Variants in GSDME observed in about 807,000 individuals in gnomAD.
GSDME encodes the protein gasdermin-E.
A neutral mutation model predicts 47.5 loss-of-function variants in GSDME; 44 were observed. The observed-to-expected ratio is 0.93, with a 90% CI of 0.73 to 1.19. The LOEUF (loss-of-function observed/expected upper bound fraction) is 1.19, where lower values mean the gene tolerates loss of function less well. Ranked by LOEUF, GSDME falls within the 50% of genes most tolerant of loss-of-function variation. The probability of loss-of-function intolerance (pLI) is 0.00; values close to 1 mark genes in which losing one functional copy is unlikely to be tolerated. For synonymous variants in GSDME, 258 were observed against 252.8 expected (o/e 1.02, Z -0.20); for missense variants, 663 against 604.2 (o/e 1.10, Z -1.02).
Position 24,742,374 on chromosome 7 carries a change from T to G in GSDME, c.404+2188A>C, listed in dbSNP as rs1790519966. ...CTTCCTGAGCCTTGGTGCCATTAAG[T>G]GTAAAAGGAGATGGCTGTGCAGAGT... is the stretch of plus-strand genomic sequence containing the variant. On this transcript the variant is annotated intron_variant, in intron 3 of 9. Transcript: ENST00000645220. The surrounding 1 kb of genome is among the most constrained non-coding windows in gnomAD (Gnocchi z 4.4). Among the ~76,000 whole-genome samples the G allele has an allele frequency of 6.6e-6, 1 of 152,180 alleles. No homozygotes were observed. Among genetic ancestry groups the G allele is most frequent in the Non-Finnish European group, 1.5e-5 (1 of 68,034 alleles).
chr7:24,771,336 G>C, the GSDME span, among the ~76,000 whole-genome samples: 2 of 152,144 alleles, frequency 1.3e-5, no homozygotes, highest in African/African-American at 4.8e-5. The surrounding 1 kb of genome is among the most constrained non-coding windows in gnomAD (Gnocchi z 4.1). Flanking sequence ...TAATGTTTTT[G>C]TTTATTTAGA....
chr7:24,758,774 TA>T (rs1316309527), upstream of GSDME, among the ~76,000 whole-genome samples: 1 of 152,236 alleles, frequency 6.6e-6, no homozygotes, highest in Non-Finnish European at 1.5e-5. The surrounding 1 kb of genome is among the most constrained non-coding windows in gnomAD (Gnocchi z 4.6). Context: ...TCCTCTGCTT[TA>T]TTTTTCTCTT....
intron 3 of GSDME, among the ~76,000 whole-genome samples, chr7:24,730,485 A>G (rs988921415): frequency 6.6e-6 from 1 of 152,198 alleles, no homozygotes; most frequent in Non-Finnish European, 1.5e-5. Flanking sequence ...TAGGACTTAA[A>G]TCCTACCTAG....
At chr7:24,769,520 C>T in the GSDME span, among the ~76,000 whole-genome samples, 8 of 152,220 alleles carry the variant, frequency 5.3e-5, no homozygotes, top group African/African-American at 1.9e-4. Flanking sequence ...CCTAACTCAA[C>T]TCCAGTCCCC....
intron 7 of GSDME, chr7:24,707,916 T>C: frequency 1.6e-6 from 1 of 609,340 alleles, no homozygotes; most frequent in South Asian, 2.2e-5. Context: ...CCCTCAGGTT[T>C]GTTGAGGCAG....
chr7:24,786,865 C>T, the GSDME span, among the ~76,000 whole-genome samples: 70 of 152,316 alleles, frequency 4.6e-4, no homozygotes, highest in Non-Finnish European at 8.5e-4. The surrounding 1 kb of genome is among the most constrained non-coding windows in gnomAD (Gnocchi z 5.5). Context: ...TGTAGGCAGT[C>T]GGCTGTGGTC....
At chr7:24,718,041 G>A (rs2237307) in intron 4 of GSDME, among the ~76,000 whole-genome samples, 78,104 of 152,162 alleles carry the variant, frequency 0.51, 22,482 homozygotes, top group African/African-American at 0.77. Flanking sequence ...TGGTCAGAGT[G>A]TGTTGCTTTG....
the GSDME span, among the ~76,000 whole-genome samples, chr7:24,788,047 T>C: frequency 6.6e-6 from 1 of 152,168 alleles, no homozygotes; most frequent in Non-Finnish European, 1.5e-5. This position sits in a 1 kb window ranked among gnomAD's most constrained non-coding sequence, Gnocchi z 4.6. Context: ...TTGCCTTTGG[T>C]AAAATAAATG....
chr7:24,747,596 C>A (rs114003074), intron 2 of GSDME, among the ~76,000 whole-genome samples: 1 of 152,198 alleles, frequency 6.6e-6, no homozygotes, highest in Non-Finnish European at 1.5e-5. Context: ...TAAGAATTTA[C>A]GCTAAAGCAG....
chr7:24,751,814 G>A (rs533574957), intron 1 of GSDME, among the ~76,000 whole-genome samples: 2 of 152,278 alleles, frequency 1.3e-5, no homozygotes, highest in South Asian at 4.1e-4. Context: ...CTATACTACT[G>A]TGTTGAAGCA....
chr7:24,752,926 G>C (rs1790901569), intron 1 of GSDME, among the ~76,000 whole-genome samples: 1 of 151,064 alleles, frequency 6.6e-6, no homozygotes, highest in African/African-American at 2.4e-5. Context: ...CCTTAGTAAA[G>C]ACACCAATCC....
Position 24,736,786 on chromosome 7 carries a change from C to A in GSDME, c.404+7776G>T, listed in dbSNP as rs34470389. 0.1 allele frequency among the ~76,000 whole-genome samples: 15,766 copies of A among 152,034 alleles called. 1,273 individuals are homozygous for A. The highest frequency in any genetic ancestry group is 0.44 in the East Asian group (2,285 of 5,166). ...GCCACAAAACAAGTTTCAAAACATC[C>A]AAAAAATTGAAATAATATAAAGTAC... On this transcript the variant is annotated intron_variant, in intron 3 of 9. Transcript: ENST00000645220. The surrounding 1 kb of genome is among the most constrained non-coding windows in gnomAD (Gnocchi z 4.6).
rs758488919 is a variant in GSDME, at chr7:24,749,655, CTTTT to C, written c.116_119del (p.Lys39ArgfsTer24). 7 of 1,614,062 alleles carry C rather than the reference CTTTT, an allele frequency of 4.3e-6. No homozygotes were observed. Among genetic ancestry groups the C allele is most frequent in the East Asian group, 2.2e-5 (1 of 44,888 alleles). Reference sequence around the variant, plus strand: ...GTCTCTGCCAGCACCAGAATCTCTTCTTTTTTGTCACCAGACTTAGAAGCTGTAA... The same window carrying C: ...GTCTCTGCCAGCACCAGAATCTCTTCTTGTCACCAGACTTAGAAGCTGTAA... On this transcript the variant is annotated frameshift_variant, in exon 2 of 10. Coordinates refer to ENST00000645220, the MANE Select transcript of GSDME (RefSeq NM_001127453.2). LOFTEE classifies it high-confidence loss of function.
the GSDME span, among the ~76,000 whole-genome samples, chr7:24,795,510 G>A: frequency 6.6e-6 from 1 of 152,110 alleles, no homozygotes; most frequent in African/African-American, 2.4e-5. Context: ...AGAGGGTTGT[G>A]ACCCATTGAG....
chr7:24,756,897 T>C lies in GSDME; in HGVS notation c.-20+499A>G, dbSNP rs1791036669. ...TACCGGAGCAAAGTGGAGGGGGACT[T>C]TTTTCCGTCCAGAGAGACTGAACTC... On this transcript the variant is annotated intron_variant, in intron 1 of 9. Transcript: ENST00000645220. The surrounding 1 kb of genome is among the most constrained non-coding windows in gnomAD (Gnocchi z 4.2). 6.6e-6 allele frequency among the ~76,000 whole-genome samples: 1 copy of C among 152,042 alleles called. No homozygotes were observed. The highest frequency in any genetic ancestry group is 6.5e-5 in the Admixed American group (1 of 15,274).
At chr7:24,713,034 G>T (rs1789417135) in intron 5 of GSDME, among the ~76,000 whole-genome samples, 1 of 151,598 alleles carries the variant, frequency 6.6e-6, no homozygotes. Context: ...AAAAAAAAAG[G>T]GAAAAGCACG....
chr7:24,777,123 T>C, the GSDME span, among the ~76,000 whole-genome samples: 1 of 152,218 alleles, frequency 6.6e-6, no homozygotes, highest in Admixed American at 6.5e-5. Context: ...ATTAAAAATA[T>C]ATGAATTCGA....
the GSDME span, among the ~76,000 whole-genome samples, chr7:24,781,246 A>G: frequency 2.0e-5 from 3 of 152,172 alleles, no homozygotes; most frequent in African/African-American, 4.8e-5. Flanking sequence ...TGGGTGCTGG[A>G]GCTGAGTCTT....
chr7:24,762,222 C>G (rs1584120027), upstream of GSDME, among the ~76,000 whole-genome samples: 1 of 143,558 alleles, frequency 7.0e-6, no homozygotes, highest in African/African-American at 2.6e-5. Flanking sequence ...CCACTGTACT[C>G]CAGCCTGGGT....
Sources: allele counts gnomAD v4.1 joint callset (sites outside exome capture counted in the v4.1 genomes callset), GRCh38; gene constraint gnomAD v4.1.1; non-coding constraint Gnocchi (gnomAD v3.1); transcripts MANE v1.5; gene names NCBI Gene and HGNC (gene_info 2026-07-23, HGNC 2026-07-21).